CYP4X1: variants seen among roughly 807,000 people sequenced by gnomAD.
CYP4X1 encodes cytochrome P450 family 4 subfamily X member 1, also known as cytochrome P450 4X1.
In CYP4X1, 44 loss-of-function variants were observed where a neutral mutation model predicts 57.9. The observed-to-expected ratio is 0.76, with a 90% CI of 0.60 to 0.98. The LOEUF (loss-of-function observed/expected upper bound fraction) is 0.98. Ranked by LOEUF, CYP4X1 falls within the 50% of genes least tolerant of loss-of-function variation. The probability of loss-of-function intolerance (pLI) is 0.00; values close to 1 mark genes in which losing one functional copy is unlikely to be tolerated. For synonymous variants in CYP4X1, 227 were observed against 228.6 expected (o/e 0.99, Z 0.06); for missense variants, 532 against 623.9 (o/e 0.85, Z 1.57).
At chr1:46,994,088 A>G in the CYP4X1 span, among the ~76,000 whole-genome samples, 306 of 152,210 alleles carry the variant, frequency 2.0e-3, 1 homozygote, top group African/African-American at 6.8e-3. Flanking sequence ...TCTTTAATCC[A>G]CCTTGAATTA....
intron 3 of CYP4X1, among the ~76,000 whole-genome samples, chr1:47,032,740 T>C (rs1644137579): frequency 6.6e-6 from 1 of 152,192 alleles, no homozygotes; most frequent in African/African-American, 2.4e-5. Flanking sequence ...TGAATTTATG[T>C]TCATCATATA....
At chr1:47,012,507 C>T in the CYP4X1 span, among the ~76,000 whole-genome samples, 58,642 of 151,648 alleles carry the variant, frequency 0.39, 13,088 homozygotes, top group African/African-American at 0.61. Context: ...TGTATACGTA[C>T]GTAACAAACC....
chr1:47,018,276 T>C, the CYP4X1 span, among the ~76,000 whole-genome samples: 3 of 152,336 alleles, frequency 2.0e-5, no homozygotes, highest in Admixed American at 6.5e-5. Context: ...TCAGAGCTTA[T>C]GGACCTTCTA....
At chr1:46,984,040 G>A in the CYP4X1 span, among the ~76,000 whole-genome samples, 1 of 151,962 alleles carries the variant, frequency 6.6e-6, no homozygotes, top group Non-Finnish European at 1.5e-5. Context: ...AGGCCCTTGG[G>A]GCTCCATGTG....
chr1:46,990,831 A>G, the CYP4X1 span, among the ~76,000 whole-genome samples: 1 of 152,128 alleles, frequency 6.6e-6, no homozygotes, highest in Non-Finnish European at 1.5e-5. Flanking sequence ...GTTCTCACTC[A>G]TAAGTGGGAG....
the CYP4X1 span, among the ~76,000 whole-genome samples, chr1:47,012,656 C>T: frequency 6.6e-6 from 1 of 152,076 alleles, no homozygotes; most frequent in Non-Finnish European, 1.5e-5. Flanking sequence ...AGTCCCTTTG[C>T]AACAGCTCCC....
chr1:46,965,099 T>A, the CYP4X1 span, among the ~76,000 whole-genome samples: 2 of 152,142 alleles, frequency 1.3e-5, no homozygotes, highest in Admixed American at 1.3e-4. Context: ...AGTGCAGTAT[T>A]AGGGTGGGAG....
chr1:47,045,791 C>G (rs1644294765), intron 8 of CYP4X1, among the ~76,000 whole-genome samples: 1 of 152,204 alleles, frequency 6.6e-6, no homozygotes, highest in Non-Finnish European at 1.5e-5. Context: ...CTAGAACTTT[C>G]CAGAGGTGAT....
the CYP4X1 span, among the ~76,000 whole-genome samples, chr1:46,989,592 A>T: frequency 1.3e-5 from 2 of 152,264 alleles, no homozygotes; most frequent in African/African-American, 4.8e-5. Context: ...CACATAGACA[A>T]GACAATCATA....
chr1:47,020,725 A>G (rs573432679), upstream of CYP4X1, among the ~76,000 whole-genome samples: 2 of 152,356 alleles, frequency 1.3e-5, no homozygotes, highest in East Asian at 3.9e-4. Context: ...ACAAAATTCT[A>G]GACTTTTATC....
chr1:47,022,145 T>C (rs1404972762), upstream of CYP4X1, among the ~76,000 whole-genome samples: 1 of 151,878 alleles, frequency 6.6e-6, no homozygotes, highest in Admixed American at 6.6e-5. Context: ...CAACATCTAG[T>C]TGAAGGTTGG....
the CYP4X1 span, among the ~76,000 whole-genome samples, chr1:46,962,732 T>A: frequency 6.6e-6 from 1 of 152,188 alleles, no homozygotes; most frequent in Non-Finnish European, 1.5e-5. Flanking sequence ...ATTCTGTTGA[T>A]TTGGGGTGGA....
chr1:46,961,841 A>T, the CYP4X1 span: 1 of 1,186,124 alleles, frequency 8.4e-7, no homozygotes, highest in East Asian at 5.7e-5. Context: ...TTAGTTGGTT[A>T]TCCCATCAAA....
chr1:46,993,979 C>T, the CYP4X1 span, among the ~76,000 whole-genome samples: 2 of 152,066 alleles, frequency 1.3e-5, no homozygotes, highest in African/African-American at 4.8e-5. Context: ...CATTGCTTTT[C>T]GTGTTTTAGA....
At chr1:47,007,535 G>A in the CYP4X1 span, among the ~76,000 whole-genome samples, 1 of 152,196 alleles carries the variant, frequency 6.6e-6, no homozygotes, top group Non-Finnish European at 1.5e-5. Flanking sequence ...CTCTTCCAAA[G>A]GAACACAGCT....
chr1:47,014,907 A>G, the CYP4X1 span, among the ~76,000 whole-genome samples: 8 of 152,324 alleles, frequency 5.3e-5, no homozygotes, highest in Non-Finnish European at 7.4e-5. Context: ...CACAGGTCGT[A>G]TAGCCCACAG....
the CYP4X1 span, among the ~76,000 whole-genome samples, chr1:47,008,379 A>G: frequency 6.6e-6 from 1 of 152,218 alleles, no homozygotes; most frequent in African/African-American, 2.4e-5. Context: ...ATGCTGAGAG[A>G]TTTTGTCACC....
upstream of CYP4X1, among the ~76,000 whole-genome samples, chr1:47,021,142 CAA>C (rs546594827): frequency 2.2e-3 from 105 of 47,436 alleles, no homozygotes; most frequent in African/African-American, 9.2e-3. Context: ...GCAGGAATGC[CAA>C]AAAAAAAAAA....
the CYP4X1 span, among the ~76,000 whole-genome samples, chr1:46,993,010 C>A: frequency 1.1e-4 from 16 of 152,020 alleles, no homozygotes; most frequent in East Asian, 3.1e-3. Context: ...CATACATGTG[C>A]CATGTTGGTG....
Sources: gnomAD v4.1 joint callset for allele counts (sites outside exome capture counted in the v4.1 genomes callset) on GRCh38, gnomAD v4.1.1 for gene constraint, MANE v1.5 for transcripts, NCBI Gene and HGNC (gene_info 2026-07-23, HGNC 2026-07-21) for gene names.